NKAIN3: variants seen among roughly 807,000 people sequenced by gnomAD.
NKAIN3 encodes sodium/potassium-transporting ATPase subunit beta-1-interacting protein 3.
Under a neutral mutation model 30.2 loss-of-function variants are expected in NKAIN3, and 25 were observed. The observed-to-expected ratio is 0.83, with a 90% CI of 0.60 to 1.16. The LOEUF is 1.16. NKAIN3 is among the 50% of genes most tolerant of loss of function. The pLI, the probability that NKAIN3 is intolerant of heterozygous loss-of-function variation, is 0.00. For missense variants in NKAIN3, 225 were observed against 254.1 expected (o/e 0.89, Z 0.78); for synonymous variants, 91 against 89.6 (o/e 1.02, Z -0.09).
chr8:62,465,734 C>A (rs1352673234), intron 1 of NKAIN3, among the ~76,000 whole-genome samples: 2 of 152,252 alleles, frequency 1.3e-5, no homozygotes, highest in East Asian at 3.9e-4. Context: ...ATAAGAGATA[C>A]TTTCATTTTA....
Position 62,487,346 on chromosome 8 carries a change from A to G in NKAIN3, c.55-92193A>G, listed in dbSNP as rs148916067. Among the ~76,000 whole-genome samples, 582 of 152,308 alleles carry G rather than the reference A, an allele frequency of 3.8e-3. 4 individuals carry two copies. The highest frequency in any genetic ancestry group is 0.013 in the African/African-American group (561 of 41,576). ...AAGCTCAGAATTATGAGGTTCACTC[A>G]CTGGATAAAGGACTGCACTTTTCAC... On this transcript the variant is annotated intron_variant, in intron 1 of 6. Coordinates refer to ENST00000623646, the MANE Select transcript of NKAIN3 (RefSeq NM_001304533.3).
chr8:62,949,795 T>C (rs1388240566), intron 5 of NKAIN3, among the ~76,000 whole-genome samples: 1 of 152,118 alleles, frequency 6.6e-6, no homozygotes, highest in African/African-American at 2.4e-5. Flanking sequence ...TCAATTTCAC[T>C]GTACTGCAGG....
intron 1 of NKAIN3, among the ~76,000 whole-genome samples, chr8:62,492,192 T>C (rs1347671572): frequency 6.6e-6 from 1 of 152,148 alleles, no homozygotes; most frequent in African/African-American, 2.4e-5. Flanking sequence ...TCAGGGATTT[T>C]AGTAGAGCTT....
intron 3 of NKAIN3, among the ~76,000 whole-genome samples, chr8:62,649,355 G>T (rs902846676): frequency 3.3e-5 from 5 of 152,148 alleles, no homozygotes; most frequent in Non-Finnish European, 5.9e-5. Flanking sequence ...AAACAATTGT[G>T]AGTGACTCCT....
At chr8:62,570,459 T>C (rs956636311) in intron 1 of NKAIN3, among the ~76,000 whole-genome samples, 6 of 152,132 alleles carry the variant, frequency 3.9e-5, no homozygotes, top group Non-Finnish European at 8.8e-5. Context: ...GACTTACAGT[T>C]CCACGTGGTT....
At chr8:62,727,318 T>G (rs988703574) in intron 3 of NKAIN3, among the ~76,000 whole-genome samples, 4 of 152,114 alleles carry the variant, frequency 2.6e-5, no homozygotes, top group Admixed American at 1.3e-4. Flanking sequence ...CTCACCACTC[T>G]TTTTTACCAT....
chr8:62,715,619 C>A (rs887636813), intron 3 of NKAIN3, among the ~76,000 whole-genome samples: 1 of 152,130 alleles, frequency 6.6e-6, no homozygotes, highest in African/African-American at 2.4e-5. Context: ...ACATAAAGTG[C>A]TAACAACTGT....
intron 1 of NKAIN3, among the ~76,000 whole-genome samples, chr8:62,569,027 C>A (rs1809841658): frequency 6.6e-6 from 1 of 152,122 alleles, no homozygotes; most frequent in South Asian, 2.1e-4. Context: ...AACCAAGTAA[C>A]AGGAAAAGGA....
chr8:62,929,076 A>C (rs902159207), intron 5 of NKAIN3, among the ~76,000 whole-genome samples: 5 of 152,214 alleles, frequency 3.3e-5, no homozygotes, highest in Non-Finnish European at 7.3e-5. Context: ...CTAAGAGGCA[A>C]AGGCCAGGAG....
At position 62,969,339 on chromosome 8, in the gene NKAIN3, T is replaced by C. The variant is rs1823781683; in HGVS notation, c.*3932T>C. On this transcript the variant is annotated 3_prime_UTR_variant, in exon 7 of 7. Coordinates refer to ENST00000623646, the MANE Select transcript of NKAIN3 (RefSeq NM_001304533.3). ...TTGTCTTCATTAAAACTAGCTAAAA[T>C]GTACATTGCAAATCTGAAGAAAACA... Among the ~76,000 whole-genome samples the C allele has an allele frequency of 6.6e-6, 1 of 152,230 alleles. No homozygotes were observed. The highest frequency in any genetic ancestry group is 1.5e-5 in the Non-Finnish European group (1 of 68,036).
intron 1 of NKAIN3, among the ~76,000 whole-genome samples, chr8:62,391,605 C>T (rs1444966262): frequency 6.6e-6 from 1 of 151,804 alleles, no homozygotes; most frequent in East Asian, 1.9e-4. Context: ...TTGTGAGATT[C>T]TCTGGATAAG....
intron 1 of NKAIN3, among the ~76,000 whole-genome samples, chr8:62,515,270 T>G (rs528531116): frequency 5.9e-5 from 9 of 152,330 alleles, no homozygotes; most frequent in Non-Finnish European, 8.8e-5. Context: ...ATTTATTTTT[T>G]AGTTAGCAAA....
chr8:62,961,206 G>A (rs920728371), intron 6 of NKAIN3, among the ~76,000 whole-genome samples: 5 of 152,002 alleles, frequency 3.3e-5, no homozygotes, highest in Admixed American at 1.3e-4. Context: ...ACTTGAACCC[G>A]GAGGCAGAGG....
chr8:62,963,654 TC>T (rs994379894), intron 6 of NKAIN3, among the ~76,000 whole-genome samples: 1 of 152,166 alleles, frequency 6.6e-6, no homozygotes, highest in Admixed American at 6.5e-5. Flanking sequence ...TATAATCCCA[TC>T]CCTTTCTCTT....
chr8:62,942,249 T>C (rs867900334), intron 5 of NKAIN3, among the ~76,000 whole-genome samples: 3 of 145,092 alleles, frequency 2.1e-5, no homozygotes, highest in Non-Finnish European at 4.5e-5. Context: ...TATATATACA[T>C]ATATATATAC....
At chr8:62,259,391 G>A (rs1409238657) in intron 1 of NKAIN3, among the ~76,000 whole-genome samples, 7 of 152,066 alleles carry the variant, frequency 4.6e-5, no homozygotes, top group Non-Finnish European at 1.0e-4. Context: ...GTTATATTTG[G>A]TATAGCTTCT....
At chr8:62,888,402 T>C (rs561576222) in intron 4 of NKAIN3, among the ~76,000 whole-genome samples, 2 of 152,126 alleles carry the variant, frequency 1.3e-5, no homozygotes, top group Admixed American at 1.3e-4. Flanking sequence ...ATGTGTGGGG[T>C]CCTCATTTTT....
At chr8:62,523,019 C>T (rs1026322646) in intron 1 of NKAIN3, among the ~76,000 whole-genome samples, 5 of 152,126 alleles carry the variant, frequency 3.3e-5, no homozygotes, top group Non-Finnish European at 5.9e-5. Context: ...CATTCACTCA[C>T]CACTCACTCA....
At chr8:62,727,626 A>G (rs1815301182) in intron 3 of NKAIN3, among the ~76,000 whole-genome samples, 1 of 152,188 alleles carries the variant, frequency 6.6e-6, no homozygotes, top group African/African-American at 2.4e-5. Flanking sequence ...CTATATAGGT[A>G]TAAATTTAAC....
Sources: gnomAD v4.1 joint callset for allele counts (sites outside exome capture counted in the v4.1 genomes callset) on GRCh38, gnomAD v4.1.1 for gene constraint, MANE v1.5 for transcripts, NCBI Gene and HGNC (gene_info 2026-07-23, HGNC 2026-07-21) for gene names.